The following PTPRD variants were observed in gnomAD, a reference collection of about 807,000 sequenced individuals.
The protein encoded by PTPRD is receptor-type tyrosine-protein phosphatase delta.
PTPRD carries 34 observed loss-of-function variants against 214.5 expected under a neutral mutation model. The ratio of observed to expected loss-of-function variants is 0.16; its 90% CI spans 0.12 to 0.21. PTPRD has a LOEUF of 0.21. Ranked by LOEUF, PTPRD falls within the 10% of genes least tolerant of loss-of-function variation. The pLI is 1.00. For synonymous variants in PTPRD, 1,128 were observed against 845.7 expected (o/e 1.33, Z -5.79); for missense variants, 2,545 against 2,398.7 (o/e 1.06, Z -1.27).
intron 7 of PTPRD, among the ~76,000 whole-genome samples, chr9:9,720,798 A>T (rs1299304263): frequency 7.7e-6 from 1 of 130,324 alleles, no homozygotes; most frequent in Non-Finnish European, 1.6e-5. Flanking sequence ...TACACCATGG[A>T]ATACTATGCA....
intron 4 of PTPRD, among the ~76,000 whole-genome samples, chr9:9,958,780 T>G (rs1314454801): frequency 2.0e-5 from 3 of 152,074 alleles, no homozygotes; most frequent in Admixed American, 2.0e-4. Context: ...ATGGCAAAAA[T>G]ATTAAATGAT....
intron 4 of PTPRD, among the ~76,000 whole-genome samples, chr9:10,012,620 C>G (rs556224945): frequency 6.6e-6 from 1 of 151,888 alleles, no homozygotes; most frequent in Non-Finnish European, 1.5e-5. Flanking sequence ...ATTTTACTCA[C>G]TATTTCGTTA....
chr9:8,564,350 C>T (rs1192960396), intron 14 of PTPRD, among the ~76,000 whole-genome samples: 1 of 152,086 alleles, frequency 6.6e-6, no homozygotes, highest in Non-Finnish European at 1.5e-5. Context: ...CATGATGCAT[C>T]TGTATACATA....
chr9:9,668,303 C>G, intron 7 of PTPRD, among the ~76,000 whole-genome samples: 1 of 152,156 alleles, frequency 6.6e-6, no homozygotes, highest in Non-Finnish European at 1.5e-5. Context: ...TGGTCTTCAG[C>G]AAGTCTTCGC....
chr9:9,060,788 G>A (rs62529464), intron 10 of PTPRD, among the ~76,000 whole-genome samples: 11,412 of 152,152 alleles, frequency 0.075, 456 homozygotes, highest in African/African-American at 0.094. Flanking sequence ...TAAAATCAAA[G>A]TTATCAACAG....
chr9:9,111,276 T>C (rs1489609296), intron 10 of PTPRD, among the ~76,000 whole-genome samples: 1 of 150,344 alleles, frequency 6.7e-6, no homozygotes, highest in Non-Finnish European at 1.5e-5. Flanking sequence ...TTTGATAGCT[T>C]CTCTCAGCTC....
intron 3 of PTPRD, among the ~76,000 whole-genome samples, chr9:10,158,873 T>C (rs1194374110): frequency 1.3e-5 from 2 of 152,078 alleles, no homozygotes; most frequent in African/African-American, 4.8e-5. Flanking sequence ...GGGCAAAATA[T>C]CCCTAAGGAT....
At chr9:9,465,626 C>A (rs1252897158) in intron 8 of PTPRD, among the ~76,000 whole-genome samples, 1 of 152,162 alleles carries the variant, frequency 6.6e-6, no homozygotes, top group African/African-American at 2.4e-5. Context: ...TTTTTGAGAA[C>A]GATCCTCTCT....
chr9:10,076,162 G>C (rs2098128720), intron 3 of PTPRD, among the ~76,000 whole-genome samples: 1 of 151,998 alleles, frequency 6.6e-6, no homozygotes, highest in Non-Finnish European at 1.5e-5. Context: ...CTGGCTTCTT[G>C]AGTGCAGGTT....
rs1012378275 is a variant in PTPRD, at chr9:10,199,511, C to G, written c.-545+141452G>C. Among the ~76,000 whole-genome samples, 4 of 151,970 alleles carry G rather than the reference C, an allele frequency of 2.6e-5. No individual in the cohort carries two copies. The East Asian group carries it at 7.7e-4, about 29-fold the overall frequency. On this transcript the variant is annotated intron_variant, in intron 3 of 45. Transcript: ENST00000381196. ...TTTATCTTCTAATCAAAACAGAGAC[C>G]AGGAATTAGAAACAGTGAGAACCCC... is the stretch of plus-strand genomic sequence containing the variant.
intron 12 of PTPRD, among the ~76,000 whole-genome samples, chr9:8,658,670 GGAAA>G (rs1198450514): frequency 3.4e-5 from 4 of 118,406 alleles, no homozygotes; most frequent in African/African-American, 1.3e-4. Flanking sequence ...AAGCACATTT[GGAAA>G]AAAAAAAAAA....
chr9:9,147,917 G>A (rs2099871402), intron 10 of PTPRD, among the ~76,000 whole-genome samples: 1 of 152,074 alleles, frequency 6.6e-6, no homozygotes, highest in South Asian at 2.1e-4. Flanking sequence ...TGTGGAAGGT[G>A]GACTCAGCAA....
At chr9:8,704,342 T>C (rs1255807681) in intron 12 of PTPRD, among the ~76,000 whole-genome samples, 1 of 151,622 alleles carries the variant, frequency 6.6e-6, no homozygotes, top group Non-Finnish European at 1.5e-5. Flanking sequence ...TCTGAATGAA[T>C]GACGGAAGAA....
At chr9:8,789,409 C>T (rs1171583434) in intron 11 of PTPRD, among the ~76,000 whole-genome samples, 1 of 152,078 alleles carries the variant, frequency 6.6e-6, no homozygotes, top group Admixed American at 6.6e-5. Flanking sequence ...TGTTAGTAGC[C>T]GTAATTCCCA....
At chr9:8,675,188 A>C (rs1172739749) in intron 12 of PTPRD, among the ~76,000 whole-genome samples, 2 of 152,022 alleles carry the variant, frequency 1.3e-5, no homozygotes, top group African/African-American at 4.8e-5. Flanking sequence ...CCCGGGTTTG[A>C]AATCTGGCTC....
At chr9:9,598,450 T>A (rs1397785001) in intron 7 of PTPRD, among the ~76,000 whole-genome samples, 1 of 151,816 alleles carries the variant, frequency 6.6e-6, no homozygotes, top group Non-Finnish European at 1.5e-5. Flanking sequence ...GAATCCCAAC[T>A]CCACTTTGTT....
chr9:9,050,059 T>A (rs1430550755), intron 10 of PTPRD, among the ~76,000 whole-genome samples: 1 of 152,208 alleles, frequency 6.6e-6, no homozygotes, highest in Non-Finnish European at 1.5e-5. Context: ...CCATTACTTA[T>A]CATCTATGTG....
intron 11 of PTPRD, among the ~76,000 whole-genome samples, chr9:8,995,578 G>A (rs1444267077): frequency 6.6e-6 from 1 of 151,894 alleles, no homozygotes; most frequent in Non-Finnish European, 1.5e-5. Flanking sequence ...ACACCCTCTT[G>A]AATAAGCATT....
chr9:10,378,057 C>T (rs948353784), intron 2 of PTPRD, among the ~76,000 whole-genome samples: 8 of 152,030 alleles, frequency 5.3e-5, no homozygotes, highest in Non-Finnish European at 8.8e-5. Context: ...TTCTCCACAT[C>T]CTCTCCAGCA....
Sources: allele counts gnomAD v4.1 joint callset (sites outside exome capture counted in the v4.1 genomes callset), GRCh38; gene constraint gnomAD v4.1.1; transcripts MANE v1.5; gene names NCBI Gene and HGNC (gene_info 2026-07-23, HGNC 2026-07-21).